Variants in MACROD2 observed in about 807,000 individuals in gnomAD.
The protein encoded by MACROD2 is mono-ADP ribosylhydrolase 2.
A neutral mutation model predicts 70.4 loss-of-function variants in MACROD2; 36 were observed. That is an observed-to-expected ratio of 0.51 (90% CI 0.39 to 0.68). The LOEUF is 0.68. MACROD2 is among the 30% of genes least tolerant of loss of function. The pLI is 0.00. For synonymous variants in MACROD2, 172 were observed against 178.8 expected (o/e 0.96, Z 0.30); for missense variants, 496 against 538.4 (o/e 0.92, Z 0.78).
At chr20:15,707,819 T>TAAA (rs556668823) in intron 8 of MACROD2, among the ~76,000 whole-genome samples, 1 of 144,196 alleles carries the variant, frequency 6.9e-6, no homozygotes, top group African/African-American at 2.5e-5. Flanking sequence ...TTACAAAACG[T>TAAA]AAAAAAAAAA....
At chr20:15,262,959 G>A (rs1356782592) in intron 6 of MACROD2, among the ~76,000 whole-genome samples, 1 of 152,070 alleles carries the variant, frequency 6.6e-6, no homozygotes, top group Non-Finnish European at 1.5e-5. Context: ...CAGATGGATA[G>A]CTTGCAAATA....
intron 3 of MACROD2, among the ~76,000 whole-genome samples, chr20:14,138,617 C>G (rs2148704209): frequency 6.6e-6 from 1 of 152,080 alleles, no homozygotes; most frequent in South Asian, 2.1e-4. Flanking sequence ...TTGCCGGTGG[C>G]TGGGTGGGGG....
intron 3 of MACROD2, among the ~76,000 whole-genome samples, chr20:14,337,884 T>C (rs1410089845): frequency 1.3e-5 from 2 of 152,214 alleles, no homozygotes; most frequent in Non-Finnish European, 2.9e-5. Context: ...AGCATACTTA[T>C]GTATTTTTTT....
rs115113141 is a variant in MACROD2 at position 14,889,244 on chromosome 20, G to C, written c.418+204285G>C. Among the ~76,000 whole-genome samples, 151 of 152,258 alleles carry C rather than the reference G, an allele frequency of 9.9e-4. 2 individuals are homozygous for C. Among genetic ancestry groups the C allele is most frequent in the African/African-American group, 3.3e-3 (137 of 41,554 alleles). On this transcript the variant is annotated intron_variant, in intron 5 of 17. Transcript: ENST00000684519. ...TGTATACTACTGGCCAAAGGTTGTT[G>C]TAGGCACTGAGGATATATCGGTAAA...
At chr20:15,183,649 CAG>C (rs1333516622) in intron 5 of MACROD2, among the ~76,000 whole-genome samples, 1 of 152,142 alleles carries the variant, frequency 6.6e-6, no homozygotes. Context: ...GTGAAGAGAG[CAG>C]AGAGTAAAAC....
At chr20:15,796,041 T>C (rs888741246) in intron 8 of MACROD2, among the ~76,000 whole-genome samples, 1 of 152,132 alleles carries the variant, frequency 6.6e-6, no homozygotes, top group African/African-American at 2.4e-5. Flanking sequence ...AGCATTTCAG[T>C]GGGGGTGCAT....
chr20:15,590,961 AAG>A (rs1266889234), intron 8 of MACROD2, among the ~76,000 whole-genome samples: 2 of 150,964 alleles, frequency 1.3e-5, no homozygotes, highest in Non-Finnish European at 3.0e-5. Flanking sequence ...AAGAAAGAAA[AAG>A]AAAGAAAGAA....
At chr20:14,061,015 A>T (rs780637397) in intron 2 of MACROD2, among the ~76,000 whole-genome samples, 1 of 152,166 alleles carries the variant, frequency 6.6e-6, no homozygotes, top group African/African-American at 2.4e-5. Context: ...GGGAGTGTGT[A>T]TATAATAAAG....
chr20:14,167,704 A>C (rs780846241), intron 3 of MACROD2, among the ~76,000 whole-genome samples: 3 of 152,138 alleles, frequency 2.0e-5, no homozygotes, highest in Non-Finnish European at 4.4e-5. Context: ...TGTTTTTATA[A>C]TACTGAAGTA....
intron 5 of MACROD2, among the ~76,000 whole-genome samples, chr20:14,802,428 A>G (rs2072588043): frequency 6.6e-6 from 1 of 152,054 alleles, no homozygotes; most frequent in South Asian, 2.1e-4. Context: ...CTTCTGCTAT[A>G]TAGTTTCAGA....
chr20:15,184,390 G>A (rs1018650506), intron 5 of MACROD2, among the ~76,000 whole-genome samples: 4 of 152,136 alleles, frequency 2.6e-5, no homozygotes, highest in Non-Finnish European at 5.9e-5. Context: ...ACCCACATGT[G>A]TCAGTCAGAA....
At chr20:15,798,699 C>G (rs1039418530) in intron 8 of MACROD2, among the ~76,000 whole-genome samples, 3 of 152,254 alleles carry the variant, frequency 2.0e-5, no homozygotes, top group African/African-American at 7.2e-5. Flanking sequence ...AGACACATAC[C>G]AATGTCTGTT....
At chr20:15,227,878 C>T (rs2076924575) in intron 5 of MACROD2, among the ~76,000 whole-genome samples, 1 of 111,334 alleles carries the variant, frequency 9.0e-6, no homozygotes, top group African/African-American at 3.4e-5. Context: ...AAACCCATAT[C>T]ATACCGAACC....
intron 5 of MACROD2, among the ~76,000 whole-genome samples, chr20:14,782,748 C>T (rs940668174): frequency 6.6e-6 from 1 of 152,154 alleles, no homozygotes; most frequent in Non-Finnish European, 1.5e-5. Flanking sequence ...CCCTCACTTC[C>T]ACTGTAGTTG....
intron 3 of MACROD2, among the ~76,000 whole-genome samples, chr20:14,090,214 T>A (rs2054128719): frequency 6.6e-6 from 1 of 152,206 alleles, no homozygotes; most frequent in African/African-American, 2.4e-5. Context: ...TAGTTGTATT[T>A]AATGAATAGA....
At chr20:15,079,719 T>G (rs1050249630) in intron 5 of MACROD2, among the ~76,000 whole-genome samples, 1 of 152,102 alleles carries the variant, frequency 6.6e-6, no homozygotes, top group Non-Finnish European at 1.5e-5. Context: ...TCCTCCTTTC[T>G]GCCTGCTCTC....
At chr20:15,773,853 A>G (rs991405887) in intron 8 of MACROD2, among the ~76,000 whole-genome samples, 3 of 152,202 alleles carry the variant, frequency 2.0e-5, no homozygotes, top group African/African-American at 7.2e-5. Context: ...AGTTTGCAAA[A>G]TAAGGAAGAA....
intron 3 of MACROD2, among the ~76,000 whole-genome samples, chr20:14,448,400 G>C (rs2084207370): frequency 3.9e-5 from 6 of 152,000 alleles, no homozygotes; most frequent in Admixed American, 3.9e-4. Context: ...AGTGGGGCCA[G>C]GCGCGGTGAC....
At chr20:14,578,879 T>A (rs1980795763) in intron 4 of MACROD2, among the ~76,000 whole-genome samples, 1 of 152,200 alleles carries the variant, frequency 6.6e-6, no homozygotes, top group Non-Finnish European at 1.5e-5. Context: ...CTGGTTTATG[T>A]GACTTTTCAG....
Sources: allele counts gnomAD v4.1 joint callset (sites outside exome capture counted in the v4.1 genomes callset), GRCh38; gene constraint gnomAD v4.1.1; transcripts MANE v1.5; gene names NCBI Gene and HGNC (gene_info 2026-07-23, HGNC 2026-07-21).